The following RBX1 variants were observed in gnomAD, a reference collection of about 807,000 sequenced individuals.
The protein encoded by RBX1 is ring-box 1.
For missense variants in RBX1, 46 were observed against 141.4 expected (o/e 0.33, Z 3.42); for synonymous variants, 48 against 47.9 (o/e 1.00, Z -0.01).
intron 4 of RBX1, among the ~76,000 whole-genome samples, chr22:40,969,888 CAAA>C (rs566980497): frequency 4.8e-5 from 6 of 125,674 alleles, no homozygotes; most frequent in African/African-American, 8.9e-5. Context: ...GACCCTATCT[CAAA>C]AAAAAAAAAA....
chr22:40,970,499 GT>G (rs2058366333), intron 4 of RBX1, among the ~76,000 whole-genome samples: 1 of 152,036 alleles, frequency 6.6e-6, no homozygotes, highest in African/African-American at 2.4e-5. Context: ...TCATTATACA[GT>G]TTTTCCATCT....
chr22:40,968,723 A>G (rs770024588), intron 4 of RBX1, among the ~76,000 whole-genome samples: 8 of 152,220 alleles, frequency 5.3e-5, no homozygotes, highest in Non-Finnish European at 1.2e-4. Context: ...GGAGCTAGCC[A>G]TCAGCAACAG....
At chr22:40,957,700 C>T (rs1168940470) in intron 2 of RBX1, among the ~76,000 whole-genome samples, 1 of 152,136 alleles carries the variant, frequency 6.6e-6, no homozygotes, top group Admixed American at 6.5e-5. Flanking sequence ...CAGGGTCTCA[C>T]TCAAGTGCCC....
chr22:40,953,393 T>C (rs906861855), intron 1 of RBX1, among the ~76,000 whole-genome samples, 162 bp from the exon 2 acceptor site: 4 of 152,226 alleles, frequency 2.6e-5, no homozygotes, highest in African/African-American at 9.6e-5. Context: ...TGTAGTCTAC[T>C]GTTGTCTTTG....
intron 4 of RBX1, among the ~76,000 whole-genome samples, chr22:40,969,714 G>A (rs756580172): frequency 2.8e-4 from 43 of 151,064 alleles, no homozygotes; most frequent in African/African-American, 7.1e-4. Flanking sequence ...GTAAAACCCC[G>A]TCTCTACTTT....
chr22:40,955,503 T>C (rs987256661), intron 2 of RBX1, among the ~76,000 whole-genome samples: 1 of 150,680 alleles, frequency 6.6e-6, no homozygotes, highest in African/African-American at 2.5e-5. Flanking sequence ...TACTTCAACA[T>C]GTAATTGATG....
chr22:40,959,807 G>C (rs1055870959), intron 2 of RBX1, among the ~76,000 whole-genome samples: 1 of 151,790 alleles, frequency 6.6e-6, no homozygotes, highest in Non-Finnish European at 1.5e-5. Context: ...GCTAGACTCT[G>C]TCTAAAAGAA....
At chr22:40,971,288 T>TA (rs913321429) in intron 4 of RBX1, among the ~76,000 whole-genome samples, 2 of 152,194 alleles carry the variant, frequency 1.3e-5, no homozygotes, top group African/African-American at 4.8e-5. Flanking sequence ...TTTAATCTGA[T>TA]ACGATTGTTC....
intron 3 of RBX1, among the ~76,000 whole-genome samples, chr22:40,964,807 C>T (rs1037661988): frequency 2.0e-5 from 3 of 152,130 alleles, no homozygotes; most frequent in African/African-American, 7.2e-5. Flanking sequence ...ATAAGAGATT[C>T]TAGAGTCAGA....
chr22:40,951,589 GGAC>G, intron 1 of RBX1, 113 bp downstream of exon 1: 1 of 1,009,758 alleles, frequency 9.9e-7, no homozygotes, highest in Non-Finnish European at 1.4e-6. Context: ...GGCGTTCCTG[GGAC>G]CGGGTACCAC....
intron 2 of RBX1, among the ~76,000 whole-genome samples, chr22:40,956,588 T>G (rs5758140): frequency 6.6e-6 from 1 of 151,642 alleles, no homozygotes; most frequent in Non-Finnish European, 1.5e-5. Context: ...TGACCTCAGG[T>G]GATCCATTCG....
intron 2 of RBX1, among the ~76,000 whole-genome samples, chr22:40,953,919 C>T (rs1414516082): frequency 3.9e-5 from 6 of 152,148 alleles, no homozygotes; most frequent in African/African-American, 1.4e-4. Context: ...GCATATCTTC[C>T]ATCTTGTACC....
chr22:40,954,245 G>A (rs949501606), intron 2 of RBX1, among the ~76,000 whole-genome samples: 1 of 151,044 alleles, frequency 6.6e-6, no homozygotes, highest in Non-Finnish European at 1.5e-5. Context: ...CTACAACCTG[G>A]GCGACACAGC....
At chr22:40,954,703 C>T (rs908217726) in intron 2 of RBX1, among the ~76,000 whole-genome samples, 2 of 151,168 alleles carry the variant, frequency 1.3e-5, no homozygotes, top group Non-Finnish European at 2.9e-5. Flanking sequence ...TGTCTTGAGT[C>T]ACTCCTGCTC....
At chr22:40,955,285 A>G (rs2058322367) in intron 2 of RBX1, among the ~76,000 whole-genome samples, 1 of 137,682 alleles carries the variant, frequency 7.3e-6, no homozygotes, top group Non-Finnish European at 1.5e-5. Flanking sequence ...TGTTTTTTTC[A>G]GAGACGGGAT....
rs2058372784 is a variant in RBX1 at position 40,972,831 on chromosome 22, C to T, written c.*343C>T. 5.0e-6 allele frequency: 1 copy of T among 198,604 alleles called. No individual in the cohort carries two copies. Among genetic ancestry groups the T allele is most frequent in the Non-Finnish European group, 1.0e-5 (1 of 96,326 alleles). 12.3% of individuals were successfully genotyped at this position (198,604 alleles called of 1,614,324 possible). The stretch of plus-strand genomic sequence containing the variant: ...TGACGAGGAATCCAACAGCTCAAGG[C>T]AGAGTGTGGATCACCGGCTCCCGAA... On this transcript the variant is annotated 3_prime_UTR_variant, in exon 5 of 5. Transcript: ENST00000216225.
At position 40,951,388 on chromosome 22, in the gene RBX1, G is replaced by A. The variant is rs1307634223; in HGVS notation, c.-11G>A. The A allele has an allele frequency of 1.9e-6, 3 of 1,612,588 alleles. No individual in the cohort carries two copies. The highest frequency in any genetic ancestry group is 8.5e-7 in the Non-Finnish European group (1 of 1,179,146). Reference sequence around the variant, plus strand: ...GCGCGGTGGTCGGACGACAGACCGTGTGTTTCCAAAATGGCGGCAGCGATG... The same window carrying A: ...GCGCGGTGGTCGGACGACAGACCGTATGTTTCCAAAATGGCGGCAGCGATG... On this transcript the variant is annotated 5_prime_UTR_variant, in exon 1 of 5. In the 5' UTR this introduces an upstream ATG that the reference lacks. Coordinates refer to ENST00000216225, the MANE Select transcript of RBX1 (RefSeq NM_014248.4).
At chr22:40,958,920 T>A (rs995276829) in intron 2 of RBX1, among the ~76,000 whole-genome samples, 1 of 152,102 alleles carries the variant, frequency 6.6e-6, no homozygotes, top group Non-Finnish European at 1.5e-5. Context: ...TTCAAGCTAT[T>A]CTCCTGCCTC....
chr22:40,958,774 TTTTGGTTTGGTTTGG>T (rs57128854), intron 2 of RBX1, among the ~76,000 whole-genome samples: 1,554 of 144,810 alleles, frequency 0.011, 18 homozygotes, highest in South Asian at 0.031. Flanking sequence ...TCCATCAGTA[TTTTGGTTTGGTTTGG>T]TTTGGTTTGG....
Sources: allele counts gnomAD v4.1 joint callset (sites outside exome capture counted in the v4.1 genomes callset), GRCh38; gene constraint gnomAD v4.1.1; transcripts MANE v1.5; gene names NCBI Gene and HGNC (gene_info 2026-07-23, HGNC 2026-07-21).